The following FADS3 variants were observed in gnomAD, a reference collection of about 807,000 sequenced individuals.
The protein encoded by FADS3 is cytochrome b5-related protein.
FADS3 carries 30 observed loss-of-function variants against 60.4 expected under a neutral mutation model. The observed-to-expected ratio is 0.50, with a 90% confidence interval of 0.37 to 0.67. The LOEUF is 0.67. Ranked by LOEUF, FADS3 falls within the 30% of genes least tolerant of loss-of-function variation. The pLI is 0.00. For synonymous variants in FADS3, 234 were observed against 249.3 expected, an observed-to-expected ratio of 0.94 and a Z score of 0.58; for missense variants, 432 against 598.3, an observed-to-expected ratio of 0.72 and a Z score of 2.90.
In FADS3 at chr11:61,876,330, C is replaced by G. The variant is rs370883665; in HGVS notation, c.1080+29G>C. ...TCCTAGCTGGGACCCCCCACCCCACCCAGGATGGGCCCCACCCCTGCTGCC... is the reference window on the plus strand; with the variant it reads ...TCCTAGCTGGGACCCCCCACCCCACGCAGGATGGGCCCCACCCCTGCTGCC... On this transcript the variant is annotated intron_variant, in intron 9 of 11. Transcript: ENST00000278829. The surrounding 1 kb of genome is among the most constrained non-coding windows in gnomAD (Gnocchi z 5.7). 1.2e-6 allele frequency: 2 copies of G among 1,607,682 alleles called. No homozygotes were observed. Among genetic ancestry groups the G allele is most frequent in the Non-Finnish European group, 1.7e-6 (2 of 1,176,536 alleles).
At chr11:61,891,120 AGCTCCAG>A in intron 1 of FADS3, 42 bp downstream of exon 1, 3 of 1,475,810 alleles carry the variant, frequency 2.0e-6, no homozygotes, top group Non-Finnish European at 2.8e-6. Flanking sequence ...CCCACGACCG[AGCTCCAG>A]GCTCCACCCG....
In FADS3 at chr11:61,876,457, T is replaced by C; in HGVS notation, c.984-2A>G. ...ACGAACCAGTGGCTTTCCAGGACCC[T>C]GTGGGGAGGCTCGGGCACTGCCCTA... On this transcript the variant is annotated splice_acceptor_variant, in intron 8 of 11. Coordinates refer to ENST00000278829, the MANE Select transcript of FADS3 (RefSeq NM_021727.5). LOFTEE classifies it high-confidence loss of function. This position sits in a 1 kb window ranked among gnomAD's most constrained non-coding sequence, Gnocchi z 5.7. 2 of 1,613,154 alleles carry C rather than the reference T, an allele frequency of 1.2e-6. No individual in the cohort carries two copies. Among genetic ancestry groups the C allele is most frequent in the Non-Finnish European group, 1.7e-6 (2 of 1,179,808 alleles).
chr11:61,891,319 G>A lies in FADS3; in HGVS notation c.63C>T (p.Pro21=), dbSNP rs1242233094. 6.6e-7 allele frequency: 1 copy of A among 1,523,070 alleles called. No individual in the cohort carries two copies. The highest frequency in any genetic ancestry group is 8.8e-7 in the Non-Finnish European group (1 of 1,139,194). 94.3% of individuals were successfully genotyped at this position (1,523,070 alleles called of 1,614,324 possible). A position where few individuals can be genotyped will look rare whatever the true frequency, so the allele number is the denominator to read the frequency against. ...EGPAQPGAPL[P]TFCWEQIRAH... ...CGCGGATCTGCTCCCAGCAGAAGGTGGGCAGCGGCGCCCCCGGCTGCGCGG... is the reference window on the plus strand; with the variant it reads ...CGCGGATCTGCTCCCAGCAGAAGGTAGGCAGCGGCGCCCCCGGCTGCGCGG... Residue 21 remains proline, a synonymous_variant, in exon 1 of 12, where the codon CCC becomes CCT. Transcript: ENST00000278829.
chr11:61,887,358 C>A (rs923723352), intron 1 of FADS3, among the ~76,000 whole-genome samples: 4 of 152,296 alleles, frequency 2.6e-5, no homozygotes, highest in African/African-American at 9.6e-5. Flanking sequence ...TGGGGGAGGG[C>A]AGGTCTCCAT....
intron 1 of FADS3, among the ~76,000 whole-genome samples, chr11:61,890,762 C>T (rs1247149247): frequency 6.6e-6 from 1 of 152,240 alleles, no homozygotes; most frequent in Admixed American, 6.5e-5. Context: ...CCCCCAGCCT[C>T]TAATGGCATG....
Position 61,875,967 on chromosome 11 carries a change from G to T in FADS3, c.1170C>A (p.Pro390=), listed in dbSNP as rs143257547. The change falls in exon 11 of 12, where the codon CCC becomes CCA. Residue 390 remains proline, a synonymous_variant. Transcript: ENST00000278829. ...LNFQIEHHLF[P]RMPRHNYSRV... Reference sequence around the variant, plus strand: ...GGCTGTAGTTGTGTCTCGGCATCCTGGGGAAGAGGCTGGGGGTGGGGAGCG... The same window carrying T: ...GGCTGTAGTTGTGTCTCGGCATCCTTGGGAAGAGGCTGGGGGTGGGGAGCG... 1.8e-5 allele frequency: 29 copies of T among 1,613,630 alleles called. No individual in the cohort carries two copies. In the African/African-American group the frequency reaches 3.9e-4, roughly 22 times the overall value.
rs1479893782 is a variant in FADS3 at position 61,877,226 on chromosome 11, T to C, written c.886-263A>G. 6 of 551,822 alleles carry C rather than the reference T, an allele frequency of 1.1e-5. No homozygotes were observed. The highest frequency in any genetic ancestry group is 3.2e-5 in the Admixed American group (1 of 31,330). The allele number at this position is 551,822 out of a possible 1,614,324, so 34.2% of individuals were successfully genotyped here. A position where few individuals can be genotyped will look rare whatever the true frequency, so the allele number is the denominator to read the frequency against. ...AGACCCTGCCAGGGACACAGATGCC[T>C]GGCAGAGTCAGCCCAGCAACTCCTC... On this transcript the variant is annotated intron_variant, in intron 7 of 11. Transcript: ENST00000278829. The surrounding 1 kb of genome is among the most constrained non-coding windows in gnomAD (Gnocchi z 4.7).
chr11:61,878,558 T>A lies in FADS3; in HGVS notation c.701A>T (p.Asp234Val), dbSNP rs754456378. 1 of 1,614,110 alleles carries A rather than the reference T, an allele frequency of 6.2e-7. No individual in the cohort carries two copies. Among genetic ancestry groups the A allele is most frequent in the Non-Finnish European group, 8.5e-7 (1 of 1,180,006 alleles). ...GAGGAAGACGGGCGCCACCGTCACG[T>A]CTGGGTCTTTGTGGAAGATGTTGGG... ...AKPNIFHKDPDVTVAPVFLLG... is the reference protein window; with the variant it reads ...AKPNIFHKDPVVTVAPVFLLG... Residue 234 changes from aspartate to valine, a missense_variant, in exon 5 of 12, where the codon GAC (aspartate) becomes GTC (valine). Asp to Val is a radical substitution (Grantham distance 152, BLOSUM62 -3). Coordinates refer to ENST00000278829, the MANE Select transcript of FADS3 (RefSeq NM_021727.5).
chr11:61,879,582 G>A (rs1938048081), intron 2 of FADS3, 73 bp from the exon 3 acceptor site: 4 of 1,423,770 alleles, frequency 2.8e-6, no homozygotes, highest in East Asian at 2.5e-5. Context: ...AGCCCCAGCC[G>A]CTCCTCCCAT....
chr11:61,873,818 T>A lies in FADS3; in HGVS notation c.1334A>T (p.Gln445Leu). ...CTGCCCGCCTGGGTGTTGCCTTCAC[T>A]GATGGAGGTAGGCGTCCAGCCAGAT... is the stretch of plus-strand genomic sequence containing the variant. ...GDIWLDAYLH[Q>L] Residue 445 changes from glutamine to leucine, a missense_variant, in exon 12 of 12, where the codon CAG (glutamine) becomes CTG (leucine). Physicochemically the swap from Gln to Leu is moderately radical, Grantham distance 113 (BLOSUM62 -2). Transcript: ENST00000278829. 1 of 1,609,400 alleles carries A rather than the reference T, an allele frequency of 6.2e-7. No individual in the cohort carries two copies. The highest frequency in any genetic ancestry group is 8.5e-7 in the Non-Finnish European group (1 of 1,178,818).
At chr11:61,880,273 A>C in intron 1 of FADS3, 122 bp from the exon 2 acceptor site, 1 of 727,476 alleles carries the variant, frequency 1.4e-6, no homozygotes, top group Non-Finnish European at 2.3e-6. Context: ...GCGGACAGGA[A>C]GTCAGCCGGC....
intron 11 of FADS3, 65 bp from the exon 12 acceptor site, chr11:61,873,930 T>C: frequency 9.6e-7 from 1 of 1,046,038 alleles, no homozygotes; most frequent in Non-Finnish European, 1.5e-6. Context: ...CTAACACCCC[T>C]GTATCCCCCA....
At chr11:61,890,896 G>A (rs890469705) in intron 1 of FADS3, among the ~76,000 whole-genome samples, 1 of 152,170 alleles carries the variant, frequency 6.6e-6, no homozygotes, top group Non-Finnish European at 1.5e-5. Flanking sequence ...CCCAGGGCAG[G>A]CTCTGCAGCA....
In FADS3 at chr11:61,891,178, C is replaced by A; in HGVS notation, c.204G>T (p.Glu68Asp). The change falls in exon 1 of 12, where the codon GAG becomes GAT. Residue 68 changes from glutamate to aspartate, a missense_variant. This residue lies in a region of FADS3 where 167 missense variants were observed against 188.8 expected (regional missense o/e 0.88). Transcript: ENST00000278829. ...CTTATGGCTTCCTTACCGTGGCGTC[C>A]TCAGCGCCGTGGTGGCCGATGAGGC... ...GSRLIGHHGA[E>D]DATDAFRAFH... 1 of 1,560,832 alleles carries A rather than the reference C, an allele frequency of 6.4e-7. No homozygotes were observed. Among genetic ancestry groups the A allele is most frequent in the South Asian group, 1.2e-5 (1 of 85,050 alleles).
rs567982589 is a variant in FADS3, at chr11:61,878,853, G to C, written c.523-6C>G. The C allele has an allele frequency of 6.2e-7, 1 of 1,613,250 alleles. No individual in the cohort carries two copies. The highest frequency in any genetic ancestry group is 1.3e-5 in the African/African-American group (1 of 75,050). On this transcript the variant is annotated splice_region_variant and splice_polypyrimidine_tract_variant and intron_variant, in intron 3 of 11. Transcript: ENST00000278829. ...TGCAGACACCAGGACTGAGCCTGGGGAGAGAGGCAGGGTCAGAAGCTGTTG... is the reference window on the plus strand; with the variant it reads ...TGCAGACACCAGGACTGAGCCTGGGCAGAGAGGCAGGGTCAGAAGCTGTTG...
At position 61,891,122 on chromosome 11, in the gene FADS3, C is replaced by A. The variant is rs751509241; in HGVS notation, c.213+47G>T. On this transcript the variant is annotated intron_variant, in intron 1 of 11. Coordinates refer to ENST00000278829, the MANE Select transcript of FADS3 (RefSeq NM_021727.5). ...GCGGGACATCACGCCCACGACCGAG[C>A]TCCAGGCTCCACCCGCCGGTGGGTG... 4.7e-6 allele frequency: 7 copies of A among 1,493,684 alleles called. No homozygotes were observed. In the South Asian group the frequency reaches 6.0e-5, roughly 13 times the overall value. 92.5% of individuals were successfully genotyped at this position (1,493,684 alleles called of 1,614,324 possible). A position where few individuals can be genotyped will look rare whatever the true frequency, so the allele number is the denominator to read the frequency against.
rs1179879381 is a variant in FADS3, at chr11:61,880,171, C to G, written c.214-20G>C. On this transcript the variant is annotated intron_variant, in intron 1 of 11. Coordinates refer to ENST00000278829, the MANE Select transcript of FADS3 (RefSeq NM_021727.5). ...GGCATCCTGAAGGAGAGCAGACAGTCAGGCGGACAGACAGACACAGCTGAG... is the reference window on the plus strand; with the variant it reads ...GGCATCCTGAAGGAGAGCAGACAGTGAGGCGGACAGACAGACACAGCTGAG... The G allele has an allele frequency of 4.4e-6, 7 of 1,602,698 alleles. No homozygotes were observed. In the South Asian group the frequency reaches 7.7e-5, roughly 18 times the overall value.
At chr11:61,884,697 C>T (rs565623465) in intron 1 of FADS3, among the ~76,000 whole-genome samples, 1 of 152,284 alleles carries the variant, frequency 6.6e-6, no homozygotes, top group African/African-American at 2.4e-5. Context: ...CACCCTCACA[C>T]ACCCTAAGTG....
chr11:61,889,643 T>C (rs1433940820), intron 1 of FADS3, among the ~76,000 whole-genome samples: 1 of 151,704 alleles, frequency 6.6e-6, no homozygotes, highest in Non-Finnish European at 1.5e-5. Flanking sequence ...CAAGACTCTG[T>C]CTCCGGCGGT....
Sources: gnomAD v4.1 joint callset for allele counts (sites outside exome capture counted in the v4.1 genomes callset) on GRCh38, gnomAD v4.1.1 for gene constraint, gnomAD v4.1.1 regional missense constraint, Gnocchi (gnomAD v3.1) non-coding constraint, MANE v1.5 for transcripts, NCBI Gene and HGNC (gene_info 2026-07-23, HGNC 2026-07-21) for gene names.